The following SH3PXD2A variants were observed in gnomAD, a reference collection of about 807,000 sequenced individuals.
SH3PXD2A encodes SH3 and PX domain-containing protein 2A.
In SH3PXD2A, 32 loss-of-function variants were observed where a neutral mutation model predicts 115.2. That is an observed-to-expected ratio of 0.28 (90% CI 0.21 to 0.37). SH3PXD2A has a LOEUF of 0.37. SH3PXD2A is among the 10% of genes least tolerant of loss of function. The pLI is 1.00. For missense variants in SH3PXD2A, 1,328 were observed against 1,498.7 expected (o/e 0.89, Z 1.88); for synonymous variants, 610 against 629.1 (o/e 0.97, Z 0.45).
intron 11 of SH3PXD2A, 30 bp downstream of exon 11, chr10:103,617,167 C>A (rs1284362977): frequency 1.3e-6 from 2 of 1,481,614 alleles, no homozygotes; most frequent in Non-Finnish European, 9.4e-7. Context: ...GGGCGAGAGG[C>A]ATCTCGTTCA....
chr10:103,675,331 G>A (rs1333205760), intron 6 of SH3PXD2A, among the ~76,000 whole-genome samples: 1 of 152,200 alleles, frequency 6.6e-6, no homozygotes, highest in Non-Finnish European at 1.5e-5. Flanking sequence ...TATGTAGCTA[G>A]CTATGCCCAA....
At position 103,600,651 on chromosome 10, in the gene SH3PXD2A, G is replaced by A. The variant is rs1272420014; in HGVS notation, c.*1165C>T. On this transcript the variant is annotated 3_prime_UTR_variant, in exon 15 of 15. Coordinates refer to ENST00000369774, the MANE Select transcript of SH3PXD2A (RefSeq NM_001394015.1). ...GAACACCCTCCTCCTTCCTGGGGAG[G>A]GTTTTTGCCCCTCTGAGGTTGTGCA... 6.6e-6 allele frequency: 1 copy of A among 152,132 alleles called. No individual in the cohort carries two copies. The highest frequency in any genetic ancestry group is 1.5e-5 in the Non-Finnish European group (1 of 68,016). The allele number at this position is 152,132 out of a possible 1,614,324, so 9.4% of individuals were successfully genotyped here.
At chr10:103,737,239 T>C (rs572471773) in intron 3 of SH3PXD2A, among the ~76,000 whole-genome samples, 1 of 152,232 alleles carries the variant, frequency 6.6e-6, no homozygotes, top group Non-Finnish European at 1.5e-5. Context: ...TTCAGTTGCA[T>C]AAAACAATAC....
chr10:103,776,425 CGTGTGTGTGTCTGTGTGTGT>C (rs1301391250), intron 2 of SH3PXD2A, among the ~76,000 whole-genome samples: 1 of 112,116 alleles, frequency 8.9e-6, no homozygotes, highest in South Asian at 3.0e-4. Flanking sequence ...TGTGTGCATG[CGTGTGTGTGTCTGTGTGTGT>C]GTGTGTGTGT....
intron 1 of SH3PXD2A, among the ~76,000 whole-genome samples, chr10:103,842,285 A>G (rs1331607572): frequency 6.6e-6 from 1 of 152,156 alleles, no homozygotes; most frequent in Non-Finnish European, 1.5e-5. Flanking sequence ...GATATATAAT[A>G]GTTATACAAA....
intron 1 of SH3PXD2A, among the ~76,000 whole-genome samples, chr10:103,836,805 A>C (rs902479550): frequency 5.9e-5 from 9 of 152,174 alleles, no homozygotes; most frequent in African/African-American, 2.2e-4. Flanking sequence ...AGAAGCTTTC[A>C]TGTTCATAAT....
chr10:103,725,932 G>A (rs904358921), intron 4 of SH3PXD2A, among the ~76,000 whole-genome samples: 4 of 152,194 alleles, frequency 2.6e-5, no homozygotes, highest in Non-Finnish European at 5.9e-5. Flanking sequence ...ACACCAGCAC[G>A]CAGGACCCTG....
intron 1 of SH3PXD2A, among the ~76,000 whole-genome samples, chr10:103,831,788 C>T (rs2039484834): frequency 1.3e-5 from 2 of 152,110 alleles, no homozygotes; most frequent in South Asian, 2.1e-4. Context: ...AAAAAGAAAC[C>T]TCATGGCAGT....
intron 3 of SH3PXD2A, among the ~76,000 whole-genome samples, chr10:103,763,262 C>T (rs55760245): frequency 0.11 from 17,417 of 152,246 alleles, 1,081 homozygotes; most frequent in South Asian, 0.14. Context: ...CCTGCAGCCA[C>T]ATGGGCCAAA....
At chr10:103,697,620 AT>A (rs1340725279) in intron 5 of SH3PXD2A, among the ~76,000 whole-genome samples, 1 of 152,206 alleles carries the variant, frequency 6.6e-6, no homozygotes, top group African/African-American at 2.4e-5. Flanking sequence ...ATTAGGACAC[AT>A]TTAACCTCCC....
intron 2 of SH3PXD2A, among the ~76,000 whole-genome samples, chr10:103,798,131 C>G (rs1374472000): frequency 6.6e-6 from 1 of 151,980 alleles, no homozygotes; most frequent in African/African-American, 2.4e-5. Flanking sequence ...AGGGGAAGTA[C>G]GGGGAGACCC....
chr10:103,631,127 T>C (rs556546254), intron 8 of SH3PXD2A, among the ~76,000 whole-genome samples: 32 of 152,244 alleles, frequency 2.1e-4, no homozygotes, highest in African/African-American at 7.2e-4. Flanking sequence ...TAGCCGTGTG[T>C]AGTAGCACAC....
Position 103,771,780 on chromosome 10 carries a change from C to CACAG in SH3PXD2A, c.154-4612_154-4611insCTGT, listed in dbSNP as rs1277885378. ...ACACACACACACACACACACACACA[C>CACAG]AGACACACACATACCCTGCAGCCTT... On this transcript the variant is annotated intron_variant, in intron 2 of 14. Transcript: ENST00000369774. Among the ~76,000 whole-genome samples, 21 of 149,922 alleles carry CACAG rather than the reference C, an allele frequency of 1.4e-4. No homozygotes were observed. The East Asian group carries it at 3.9e-3, about 28-fold the overall frequency.
chr10:103,841,190 G>C (rs2039594358), intron 1 of SH3PXD2A, among the ~76,000 whole-genome samples: 1 of 152,164 alleles, frequency 6.6e-6, no homozygotes, highest in Admixed American at 6.5e-5. Flanking sequence ...TTATCACACT[G>C]ATCCAGGACG....
At chr10:103,750,119 T>G (rs539223714) in intron 3 of SH3PXD2A, among the ~76,000 whole-genome samples, 5 of 152,270 alleles carry the variant, frequency 3.3e-5, no homozygotes, top group African/African-American at 1.2e-4. Context: ...GTAGCACAAT[T>G]TTGGCTCACT....
chr10:103,758,841 A>T (rs1434614335), intron 3 of SH3PXD2A, among the ~76,000 whole-genome samples: 2 of 152,224 alleles, frequency 1.3e-5, no homozygotes, highest in Non-Finnish European at 2.9e-5. Context: ...AATTACCAAC[A>T]GACCCTATTT....
Position 103,603,324 on chromosome 10 carries a change from T to A in SH3PXD2A, c.1894A>T (p.Thr632Ser). ...CCGGAGGAGCCTCTGGCTGACAGGG[T>A]GTCCTCTGCATATGGCCGGAAGCCC... Reference protein sequence around the residue: ...NEGFRPYAEDTLSARGSSGDS... With the variant: ...NEGFRPYAEDSLSARGSSGDS... Residue 632 changes from threonine (T) to serine (S), a missense_variant, in exon 15 of 15, where the codon ACC becomes TCC. Coordinates refer to ENST00000369774, the MANE Select transcript of SH3PXD2A (RefSeq NM_001394015.1). The A allele has an allele frequency of 1.2e-6, 2 of 1,614,054 alleles. No individual in the cohort carries two copies. Among genetic ancestry groups the A allele is most frequent in the Non-Finnish European group, 8.5e-7 (1 of 1,180,002 alleles).
At chr10:103,793,277 A>G (rs2039053004) in intron 2 of SH3PXD2A, among the ~76,000 whole-genome samples, 1 of 152,188 alleles carries the variant, frequency 6.6e-6, no homozygotes, top group Admixed American at 6.5e-5. Flanking sequence ...ATTAAAAAAC[A>G]TTTACATTCA....
chr10:103,661,759 G>GGTTT, intron 7 of SH3PXD2A: 1 of 985,318 alleles, frequency 1.0e-6, no homozygotes. Context: ...CAATCACTGG[G>GGTTT]GTTTACTCGC....
Sources: allele counts gnomAD v4.1 joint callset (sites outside exome capture counted in the v4.1 genomes callset), GRCh38; gene constraint gnomAD v4.1.1; transcripts MANE v1.5; gene names NCBI Gene and HGNC (gene_info 2026-07-23, HGNC 2026-07-21).